Variants in CPNE8 observed in about 807,000 individuals in gnomAD.
CPNE8 encodes the protein copine-8.
Under a neutral mutation model 81.5 loss-of-function variants are expected in CPNE8, and 45 were observed. The ratio of observed to expected loss-of-function variants is 0.55; its 90% CI spans 0.44 to 0.71. CPNE8 has a LOEUF of 0.71. CPNE8 is among the 30% of genes least tolerant of loss of function. The pLI is 0.00. For synonymous variants in CPNE8, 252 were observed against 226.3 expected, an observed-to-expected ratio of 1.11 and a Z score of -1.02; for missense variants, 594 against 672.1, an observed-to-expected ratio of 0.88 and a Z score of 1.28.
chr12:38,717,242 G>T (rs1423630229), intron 13 of CPNE8, among the ~76,000 whole-genome samples: 1 of 151,314 alleles, frequency 6.6e-6, no homozygotes, highest in Admixed American at 6.6e-5. Context: ...ATTCCTTAAA[G>T]AACTAAAAGT....
chr12:38,795,867 G>GATAGATAGATAGATA (rs1942451420), intron 6 of CPNE8, among the ~76,000 whole-genome samples: 11 of 148,256 alleles, frequency 7.4e-5, no homozygotes, highest in African/African-American at 1.0e-4. Flanking sequence ...ATGGATGGAT[G>GATAGATAGATAGATA]GATAGATAGA....
At chr12:38,738,325 G>T (rs748933462) in intron 10 of CPNE8, among the ~76,000 whole-genome samples, 3 of 152,064 alleles carry the variant, frequency 2.0e-5, no homozygotes, top group Non-Finnish European at 4.4e-5. Context: ...AAAAATATAT[G>T]TCTACCCAGT....
At chr12:38,793,745 C>T (rs1462301352) in intron 6 of CPNE8, among the ~76,000 whole-genome samples, 3 of 151,948 alleles carry the variant, frequency 2.0e-5, no homozygotes, top group Admixed American at 1.3e-4. Context: ...TATAGAACCT[C>T]GAGGGACTCC....
chr12:38,806,504 C>T (rs1458584479), intron 6 of CPNE8, among the ~76,000 whole-genome samples: 1 of 150,276 alleles, frequency 6.7e-6, no homozygotes, highest in East Asian at 2.2e-4. Flanking sequence ...ACAAAAACCA[C>T]ATGATTATCT....
chr12:38,739,668 C>T (rs1250871472), intron 10 of CPNE8, among the ~76,000 whole-genome samples: 2 of 152,104 alleles, frequency 1.3e-5, no homozygotes, highest in Non-Finnish European at 1.5e-5. Flanking sequence ...AATACCTTTT[C>T]CTATTCACTT....
chr12:38,782,386 T>C (rs769291268), intron 6 of CPNE8, among the ~76,000 whole-genome samples: 1 of 152,152 alleles, frequency 6.6e-6, no homozygotes, highest in Non-Finnish European at 1.5e-5. Flanking sequence ...TGTTGAAATG[T>C]GAGTGAAGCA....
At chr12:38,688,640 A>T (rs1939597198) in intron 15 of CPNE8, among the ~76,000 whole-genome samples, 1 of 151,654 alleles carries the variant, frequency 6.6e-6, no homozygotes, top group Admixed American at 6.6e-5. Flanking sequence ...AATTCTACTC[A>T]ACCATAAAAA....
intron 19 of CPNE8, among the ~76,000 whole-genome samples, chr12:38,662,104 G>A (rs1938970813): frequency 6.6e-6 from 1 of 152,132 alleles, no homozygotes; most frequent in South Asian, 2.1e-4. Context: ...ACAAGAGAAA[G>A]ATGCCCATTT....
intron 6 of CPNE8, among the ~76,000 whole-genome samples, chr12:38,810,190 C>G (rs927258472): frequency 6.6e-6 from 1 of 152,188 alleles, no homozygotes; most frequent in Non-Finnish European, 1.5e-5. Flanking sequence ...GACAAAAAAT[C>G]CTCAAGATCT....
rs540722158 is a variant in CPNE8, at chr12:38,721,782, G to T, written c.914+1990C>A. ...GTCCTGCAGTGCCTAGCATCTTCAAGCTTTCGGGTGCCACTGAATTCCCCG... is the reference window on the plus strand; with the variant it reads ...GTCCTGCAGTGCCTAGCATCTTCAATCTTTCGGGTGCCACTGAATTCCCCG... On this transcript the variant is annotated intron_variant, in intron 13 of 19. Transcript: ENST00000331366. 2.6e-3 allele frequency among the ~76,000 whole-genome samples: 403 copies of T among 152,334 alleles called. 3 individuals carry two copies. The highest frequency in any genetic ancestry group is 3.0e-3 in the Non-Finnish European group (203 of 68,028).
In CPNE8 at chr12:38,855,509, T is replaced by C. The variant is rs530246810; in HGVS notation, c.187-6847A>G. ...TACAGTTACCAACACAGCATGTTAC[T>C]GTCATAACAACATATAATGACCAGT... is the stretch of plus-strand genomic sequence containing the variant. On this transcript the variant is annotated intron_variant, in intron 3 of 19. Transcript: ENST00000331366. 2.8e-4 allele frequency among the ~76,000 whole-genome samples: 43 copies of C among 152,276 alleles called. 1 individual carries two copies. The highest frequency in any genetic ancestry group is 3.4e-3 in the Middle Eastern group (1 of 294).
chr12:38,691,795 C>T (rs1243047452), intron 15 of CPNE8, among the ~76,000 whole-genome samples: 1 of 152,132 alleles, frequency 6.6e-6, no homozygotes, highest in Non-Finnish European at 1.5e-5. Context: ...AGGGCTGTAT[C>T]CTCACATCGC....
rs575376276 is a variant in CPNE8, at chr12:38,721,990, AG to A, written c.914+1781del. ...ACTTCATACCTGATTCACCCTTGGCAGGCGTGGGATGCAGGCTGGTAGCATG... is the reference window on the plus strand; with the variant it reads ...ACTTCATACCTGATTCACCCTTGGCAGCGTGGGATGCAGGCTGGTAGCATG... On this transcript the variant is annotated intron_variant, in intron 13 of 19. Coordinates refer to ENST00000331366, the MANE Select transcript of CPNE8 (RefSeq NM_153634.3). Among the ~76,000 whole-genome samples, 171 of 152,178 alleles carry A rather than the reference AG, an allele frequency of 1.1e-3. No individual in the cohort carries two copies. The Middle Eastern group carries it at 0.034, about 30-fold the overall frequency.
intron 6 of CPNE8, among the ~76,000 whole-genome samples, chr12:38,813,699 C>A (rs1942974642): frequency 6.6e-6 from 1 of 152,142 alleles, no homozygotes; most frequent in Non-Finnish European, 1.5e-5. Context: ...GATTCACAGA[C>A]ACATTTGAGA....
chr12:38,731,266 T>C (rs1484075922), intron 10 of CPNE8, among the ~76,000 whole-genome samples: 1 of 151,990 alleles, frequency 6.6e-6, no homozygotes, highest in Non-Finnish European at 1.5e-5. Flanking sequence ...GCCATTTGTA[T>C]AATAGAATTT....
upstream of CPNE8, chr12:38,905,618 T>TG: frequency 6.6e-7 from 1 of 1,519,928 alleles, no homozygotes; most frequent in South Asian, 1.2e-5. Context: ...CAGGCGGGGA[T>TG]GGGGGTTGAG....
At chr12:38,778,560 T>C (rs1203213909) in intron 6 of CPNE8, among the ~76,000 whole-genome samples, 3 of 152,180 alleles carry the variant, frequency 2.0e-5, no homozygotes, top group African/African-American at 7.2e-5. Flanking sequence ...AAACTTTCCA[T>C]ATCCCCAAAT....
chr12:38,725,032 T>C, intron 11 of CPNE8, 133 bp from the exon 12 acceptor site: 1 of 819,152 alleles, frequency 1.2e-6, no homozygotes, highest in South Asian at 1.5e-5. Flanking sequence ...ATGCTTTCAG[T>C]ATGACTTTGG....
intron 13 of CPNE8, among the ~76,000 whole-genome samples, chr12:38,705,364 A>C (rs960840314): frequency 6.6e-6 from 1 of 152,134 alleles, no homozygotes; most frequent in Non-Finnish European, 1.5e-5. Flanking sequence ...ACCTAAATAC[A>C]ATGCAGGGAT....
Sources: allele counts gnomAD v4.1 joint callset (sites outside exome capture counted in the v4.1 genomes callset), GRCh38; gene constraint gnomAD v4.1.1; transcripts MANE v1.5; gene names NCBI Gene and HGNC (gene_info 2026-07-23, HGNC 2026-07-21).